ABL1: variants seen among roughly 807,000 people sequenced by gnomAD.
ABL1 encodes tyrosine-protein kinase ABL1.
A neutral mutation model predicts 94.7 loss-of-function variants in ABL1; 11 were observed. The observed-to-expected ratio is 0.12, with a 90% CI of 0.07 to 0.19. The LOEUF (loss-of-function observed/expected upper bound fraction) is 0.19, where lower values mean the gene tolerates loss of function less well. Ranked by LOEUF, ABL1 falls within the 10% of genes least tolerant of loss-of-function variation. The pLI, the probability that ABL1 is intolerant of heterozygous loss-of-function variation, is 1.00. For missense variants in ABL1, 1,082 were observed against 1,489.4 expected (o/e 0.73, Z 4.50); for synonymous variants, 656 against 622.4 (o/e 1.05, Z -0.80).
exon 1 of ABL1, chr9:130,714,199 G>T: frequency 1.0e-6 from 1 of 999,040 alleles, no homozygotes. Context: ...GACTTCAATT[G>T]CTGACTTGTG....
chr9:130,811,903 C>T (rs1422996900), intron 1 of ABL1, among the ~76,000 whole-genome samples: 1 of 114,088 alleles, frequency 8.8e-6, no homozygotes, highest in Non-Finnish European at 1.7e-5. Context: ...CAGAGTGAGA[C>T]TCCGTCTCAA....
intron 1 of ABL1, among the ~76,000 whole-genome samples, chr9:130,721,289 G>C (rs998647628): frequency 6.6e-6 from 1 of 151,310 alleles, no homozygotes; most frequent in African/African-American, 2.4e-5. Flanking sequence ...GAGGCAGAGG[G>C]ATCACGTGAA....
At chr9:130,719,764 T>A (rs1336864825) in intron 1 of ABL1, among the ~76,000 whole-genome samples, 4 of 152,190 alleles carry the variant, frequency 2.6e-5, no homozygotes, top group Non-Finnish European at 5.9e-5. Flanking sequence ...CCATGTAGGT[T>A]AGATTGAAAA....
intron 3 of ABL1, among the ~76,000 whole-genome samples, chr9:130,856,970 G>C (rs887870762): frequency 6.6e-6 from 1 of 152,146 alleles, no homozygotes; most frequent in African/African-American, 2.4e-5. Context: ...TGGTTCTGCT[G>C]TAAGAAAAAC....
rs1295629274 is a variant in ABL1, at chr9:130,835,795, G to A, written c.79+270G>A. On this transcript the variant is annotated intron_variant, in intron 1 of 10. Transcript: ENST00000318560. This position sits in a 1 kb window ranked among gnomAD's most constrained non-coding sequence, Gnocchi z 4.6. Reference sequence around the variant, plus strand: ...TTTCTCTTTCTCGCGATGGCCCCTAGGCGCCGCCGGCGGAGCGTGGCCCCC... The same window carrying A: ...TTTCTCTTTCTCGCGATGGCCCCTAAGCGCCGCCGGCGGAGCGTGGCCCCC... Among the ~76,000 whole-genome samples, 3 of 151,730 alleles carry A rather than the reference G, an allele frequency of 2.0e-5. No individual in the cohort carries two copies. Among genetic ancestry groups the A allele is most frequent in the Non-Finnish European group, 2.9e-5 (2 of 67,968 alleles).
At chr9:130,845,661 A>G (rs887964174) in intron 1 of ABL1, among the ~76,000 whole-genome samples, 5 of 152,202 alleles carry the variant, frequency 3.3e-5, no homozygotes, top group African/African-American at 1.2e-4. Flanking sequence ...TTGAAATGAC[A>G]TAGTTGCCAC....
chr9:130,742,896 A>G (rs1047919285), intron 1 of ABL1, among the ~76,000 whole-genome samples: 4 of 152,274 alleles, frequency 2.6e-5, no homozygotes, highest in Non-Finnish European at 4.4e-5. Flanking sequence ...GAAAATGAAG[A>G]TGAAATAAAT....
chr9:130,885,787 C>T lies in ABL1; in HGVS notation c.*104C>T, dbSNP rs1041141797. On this transcript the variant is annotated 3_prime_UTR_variant, in exon 11 of 11. Transcript: ENST00000318560. ...CTGACAAGGGACTAGTGAGTCAGCA[C>T]CTTGGCCCAGGAGCTCTGCGCCAGG... is the stretch of plus-strand genomic sequence containing the variant. 5 of 1,423,794 alleles carry T rather than the reference C, an allele frequency of 3.5e-6. No individual in the cohort carries two copies. The highest frequency in any genetic ancestry group is 3.7e-6 in the Non-Finnish European group (4 of 1,070,530). 88.2% of individuals were successfully genotyped at this position (1,423,794 alleles called of 1,614,324 possible).
intron 1 of ABL1, among the ~76,000 whole-genome samples, chr9:130,778,418 A>G (rs1308689744): frequency 6.6e-6 from 1 of 152,244 alleles, no homozygotes; most frequent in African/African-American, 2.4e-5. Flanking sequence ...TATGTTCTTC[A>G]GAGAAGACCC....
chr9:130,825,251 T>C (rs1830410444), intron 1 of ABL1, among the ~76,000 whole-genome samples: 1 of 152,204 alleles, frequency 6.6e-6, no homozygotes, highest in Admixed American at 6.5e-5. Flanking sequence ...TGGGGAGGTT[T>C]AGACAACTTG....
chr9:130,720,010 C>A (rs965017275), intron 1 of ABL1, among the ~76,000 whole-genome samples: 36 of 152,310 alleles, frequency 2.4e-4, no homozygotes, highest in African/African-American at 8.7e-4. Flanking sequence ...TAAGAAAATT[C>A]ACTTTTGGGA....
At chr9:130,750,864 C>G (rs1169140767) in intron 1 of ABL1, among the ~76,000 whole-genome samples, 1 of 151,602 alleles carries the variant, frequency 6.6e-6, no homozygotes, top group African/African-American at 2.4e-5. Flanking sequence ...TCAGGCTGGT[C>G]TCGAACTCCT....
intron 1 of ABL1, among the ~76,000 whole-genome samples, chr9:130,821,876 T>C (rs1302242765): frequency 1.3e-5 from 2 of 149,820 alleles, no homozygotes; most frequent in Non-Finnish European, 3.0e-5. Context: ...AGTCTCGCTC[T>C]GTCACCCAGG....
chr9:130,812,064 T>C (rs572947128), intron 1 of ABL1, among the ~76,000 whole-genome samples: 305 of 150,932 alleles, frequency 2.0e-3, no homozygotes, highest in African/African-American at 6.0e-3. Context: ...TTCATATCAA[T>C]AATTAATTCA....
chr9:130,729,163 T>G (rs1229675311), intron 1 of ABL1, among the ~76,000 whole-genome samples: 1 of 152,158 alleles, frequency 6.6e-6, no homozygotes, highest in Non-Finnish European at 1.5e-5. Flanking sequence ...TTGGCCTTTT[T>G]GGGGTCGAAA....
intron 1 of ABL1, among the ~76,000 whole-genome samples, chr9:130,717,400 T>G (rs1367653295): frequency 6.6e-6 from 1 of 152,008 alleles, no homozygotes; most frequent in African/African-American, 2.4e-5. Context: ...AGGTTAAAGA[T>G]CCATTCAAAG....
intron 8 of ABL1, 119 bp from the exon 9 acceptor site, chr9:130,879,949 A>G (rs1371576795): frequency 1.0e-4 from 95 of 944,522 alleles, no homozygotes; most frequent in Non-Finnish European, 6.8e-6. Context: ...TTGTTGCAGC[A>G]AAAGATGGTT....
At position 130,880,545 on chromosome 9, in the gene ABL1, G is replaced by C. The variant is rs1064157; in HGVS notation, c.1559G>C (p.Ser520Thr). 1 of 1,613,968 alleles carries C rather than the reference G, an allele frequency of 6.2e-7. No individual in the cohort carries two copies. Among genetic ancestry groups the C allele is most frequent in the South Asian group, 1.1e-5 (1 of 91,066 alleles). The change falls in exon 10 of 11, where the codon AGT becomes ACT. Residue 520 changes from serine to threonine, a missense_variant. This residue lies in a region of ABL1 where 780 missense variants were observed against 835.8 expected (regional missense o/e 0.93). Coordinates refer to ENST00000318560, the MANE Select transcript of ABL1 (RefSeq NM_005157.6). This position sits in a 1 kb window ranked among gnomAD's most constrained non-coding sequence, Gnocchi z 4.4. ...AAACAAGGCGTCCGTGGGGCTGTGAGTACCTTGCTGCAGGCCCCAGAGCTG... is the reference window on the plus strand; with the variant it reads ...AAACAAGGCGTCCGTGGGGCTGTGACTACCTTGCTGCAGGCCCCAGAGCTG... ...LGKQGVRGAV[S>T]TLLQAPELPT...
At chr9:130,831,950 C>A (rs35807584), upstream of ABL1, among the ~76,000 whole-genome samples, 1,242 of 152,240 alleles carry the variant, frequency 8.2e-3, 17 homozygotes, top group African/African-American at 0.028. Flanking sequence ...TACAGATCAT[C>A]TGGGAGCTTC....
Sources: gnomAD v4.1 joint callset for allele counts (sites outside exome capture counted in the v4.1 genomes callset) on GRCh38, gnomAD v4.1.1 for gene constraint, gnomAD v4.1.1 regional missense constraint, Gnocchi (gnomAD v3.1) non-coding constraint, MANE v1.5 for transcripts, NCBI Gene and HGNC (gene_info 2026-07-23, HGNC 2026-07-21) for gene names.